Variants in PML observed in about 807,000 individuals in gnomAD.
The protein encoded by PML is PML nuclear body scaffold, also known as protein PML.
PML carries 28 observed loss-of-function variants against 65.2 expected under a neutral mutation model. That is an observed-to-expected ratio of 0.43 (90% CI 0.32 to 0.59). PML has a LOEUF of 0.59. Ranked by LOEUF, PML falls within the 20% of genes least tolerant of loss-of-function variation. The pLI, the probability that PML is intolerant of heterozygous loss-of-function variation, is 0.08. For missense variants in PML, 1,021 were observed against 1,203.4 expected, an observed-to-expected ratio of 0.85 and a Z score of 2.24; for synonymous variants, 500 against 508.8, an observed-to-expected ratio of 0.98 and a Z score of 0.23.
intron 7 of PML, chr15:74,041,558 A>G (rs972760321): frequency 6.6e-6 from 1 of 152,282 alleles, no homozygotes; most frequent in Non-Finnish European, 1.5e-5. Context: ...AGCCAGCTCT[A>G]GATGGATTCA....
At chr15:74,002,841 A>AAT (rs1000983699) in intron 2 of PML, among the ~76,000 whole-genome samples, 1 of 152,078 alleles carries the variant, frequency 6.6e-6, no homozygotes, top group Non-Finnish European at 1.5e-5. Context: ...AAACATATAT[A>AAT]TAGGCCAGAT....
intron 2 of PML, among the ~76,000 whole-genome samples, chr15:74,020,154 C>A (rs1464948428): frequency 6.6e-6 from 1 of 152,116 alleles, no homozygotes; most frequent in Non-Finnish European, 1.5e-5. Flanking sequence ...TCTAATTAAA[C>A]GTAGCATTGA....
chr15:74,043,254 A>G lies in PML; in HGVS notation c.1861+115A>G. On this transcript the variant is annotated intron_variant, in intron 8 of 8. Coordinates refer to ENST00000268058, the MANE Select transcript of PML (RefSeq NM_033238.3). The surrounding 1 kb of genome is among the most constrained non-coding windows in gnomAD (Gnocchi z 4.3). ...GGAGAGCTCTGAGCTCTGGCCAACAACTGCAGCCAGGCTGGGCAGAGCACT... is the reference window on the plus strand; with the variant it reads ...GGAGAGCTCTGAGCTCTGGCCAACAGCTGCAGCCAGGCTGGGCAGAGCACT... The G allele has an allele frequency of 6.3e-7, 1 of 1,596,472 alleles. No individual in the cohort carries two copies. The highest frequency in any genetic ancestry group is 8.5e-7 in the Non-Finnish European group (1 of 1,171,954).
At chr15:74,006,862 G>A (rs2070085230) in intron 2 of PML, among the ~76,000 whole-genome samples, 1 of 152,150 alleles carries the variant, frequency 6.6e-6, no homozygotes, top group Admixed American at 6.6e-5. Context: ...GGAAGCAAGA[G>A]AAGGAGATGC....
At chr15:74,024,500 A>G (rs1423731856) in intron 3 of PML, among the ~76,000 whole-genome samples, 2 of 152,228 alleles carry the variant, frequency 1.3e-5, no homozygotes, top group Non-Finnish European at 2.9e-5. Flanking sequence ...AAGGAAGATC[A>G]TGGAGCTCTC....
rs1428932788 is a variant in PML at position 74,047,592 on chromosome 15, T to C, written c.*2584T>C. 1 of 214,052 alleles carries C rather than the reference T, an allele frequency of 4.7e-6. No homozygotes were observed. The highest frequency in any genetic ancestry group is 5.9e-5 in the Admixed American group (1 of 17,066). The allele number at this position is 214,052 out of a possible 1,614,324, so 13.3% of individuals were successfully genotyped here. A position where few individuals can be genotyped will look rare whatever the true frequency, so the allele number is the denominator to read the frequency against. ...ATCCTCACTTAGTAGTCTGTGGCCC[T>C]CTTTGGCACATTAACCTCCCTCCTT... On this transcript the variant is annotated 3_prime_UTR_variant, in exon 9 of 9. Coordinates refer to ENST00000268058, the MANE Select transcript of PML (RefSeq NM_033238.3).
Position 73,998,481 on chromosome 15 carries a change from G to A in PML, c.602+5G>A, listed in dbSNP as rs566690133. ...CCGCACCCCTACGCTGACCAGGTGA[G>A]TAGGCCGGCACAGGGTGGGGTGGTG... is the stretch of plus-strand genomic sequence containing the variant. On this transcript the variant is annotated splice_donor_5th_base_variant and intron_variant, in intron 2 of 8. Coordinates refer to ENST00000268058, the MANE Select transcript of PML (RefSeq NM_033238.3). 1 of 1,612,308 alleles carries A rather than the reference G, an allele frequency of 6.2e-7. No homozygotes were observed. Among genetic ancestry groups the A allele is most frequent in the South Asian group, 1.1e-5 (1 of 91,046 alleles).
In PML at chr15:74,046,791, G is replaced by T; in HGVS notation, c.*1783G>T. ...TTGAAAGCCTGATGCTCCAATCACA[G>T]ACTCTGCTCAGCATCCCCAGAGGAA... On this transcript the variant is annotated 3_prime_UTR_variant, in exon 9 of 9. Transcript: ENST00000268058. 1 of 231,414 alleles carries T rather than the reference G, an allele frequency of 4.3e-6. No homozygotes were observed. The highest frequency in any genetic ancestry group is 8.6e-6 in the Non-Finnish European group (1 of 116,872). The allele number at this position is 231,414 out of a possible 1,614,324, so 14.3% of individuals were successfully genotyped here. A position where few individuals can be genotyped will look rare whatever the true frequency, so the allele number is the denominator to read the frequency against.
At chr15:74,031,495 C>T (rs948357642) in intron 4 of PML, among the ~76,000 whole-genome samples, 1 of 152,160 alleles carries the variant, frequency 6.6e-6, no homozygotes, top group Non-Finnish European at 1.5e-5. Context: ...ACATCTCAGT[C>T]CTCATTGCTT....
intron 2 of PML, among the ~76,000 whole-genome samples, chr15:74,020,841 A>T (rs1268617869): frequency 1.3e-5 from 2 of 152,074 alleles, no homozygotes; most frequent in Non-Finnish European, 2.9e-5. Context: ...ACATCACAAC[A>T]TTCCCACCTC....
chr15:73,995,334 G>A (rs1305720091), intron 1 of PML, among the ~76,000 whole-genome samples: 1 of 152,236 alleles, frequency 6.6e-6, no homozygotes, highest in East Asian at 1.9e-4. Flanking sequence ...TGGAGCCAGG[G>A]GCATGTCCCA....
intron 7 of PML, among the ~76,000 whole-genome samples, chr15:74,038,292 T>TG (rs1178759008): frequency 6.6e-6 from 1 of 151,362 alleles, no homozygotes; most frequent in Non-Finnish European, 1.5e-5. Context: ...ATATTGGGGG[T>TG]GGGGCGGGGA....
At chr15:74,030,210 C>T (rs1567134012) in intron 4 of PML, among the ~76,000 whole-genome samples, 1 of 152,160 alleles carries the variant, frequency 6.6e-6, no homozygotes, top group Non-Finnish European at 1.5e-5. Context: ...AAGGTGTATC[C>T]CTGCCACTCA....
rs763286510 is a variant in PML, at chr15:74,035,458, TC to T, written c.1710+930del. 20 of 1,612,302 alleles carry T rather than the reference TC, an allele frequency of 1.2e-5. No individual in the cohort carries two copies. The African/African-American group carries it at 2.4e-4, about 19-fold the overall frequency. The stretch of plus-strand genomic sequence containing the variant: ...CTGTTGTACAGAGCACAGAGAGCCA[TC>T]CGCCTTCGCCATGCCCTCCGCTTGC... On this transcript the variant is annotated intron_variant, in intron 7 of 8. Transcript: ENST00000268058. This position sits in a 1 kb window ranked among gnomAD's most constrained non-coding sequence, Gnocchi z 4.1.
At position 74,035,266 on chromosome 15, in the gene PML, C is replaced by G. The variant is rs747953604; in HGVS notation, c.1710+736C>G. 1 of 1,613,282 alleles carries G rather than the reference C, an allele frequency of 6.2e-7. No homozygotes were observed. The highest frequency in any genetic ancestry group is 8.5e-7 in the Non-Finnish European group (1 of 1,179,766). Reference sequence around the variant, plus strand: ...CCAGCCCACTCCTCGCCAGTCCAGTCTCTGCTGAGAGCACAAGGAGCCTCC... The same window carrying G: ...CCAGCCCACTCCTCGCCAGTCCAGTGTCTGCTGAGAGCACAAGGAGCCTCC... On this transcript the variant is annotated intron_variant, in intron 7 of 8. Transcript: ENST00000268058. This position sits in a 1 kb window ranked among gnomAD's most constrained non-coding sequence, Gnocchi z 4.1.
chr15:74,033,534 C>A, intron 6 of PML, 120 bp downstream of exon 6: 1 of 1,046,980 alleles, frequency 9.6e-7, no homozygotes. Flanking sequence ...CTTATTCCCA[C>A]TGAATAAGAT....
At position 74,043,787 on chromosome 15, in the gene PML, G is replaced by A; in HGVS notation, c.1862-434G>A. 1 of 533,964 alleles carries A rather than the reference G, an allele frequency of 1.9e-6. No homozygotes were observed. The highest frequency in any genetic ancestry group is 3.7e-6 in the Non-Finnish European group (1 of 270,452). 33.1% of individuals were successfully genotyped at this position (533,964 alleles called of 1,614,324 possible). ...TGGGAGGCTCTTGGCCTTGCTCTGA[G>A]TGGAGTGCTTTCTATGTCCCAGGGC... On this transcript the variant is annotated intron_variant, in intron 8 of 8. Coordinates refer to ENST00000268058, the MANE Select transcript of PML (RefSeq NM_033238.3). This position sits in a 1 kb window ranked among gnomAD's most constrained non-coding sequence, Gnocchi z 4.3.
intron 7 of PML, among the ~76,000 whole-genome samples, chr15:74,040,869 T>A (rs988223561): frequency 2.6e-5 from 4 of 152,058 alleles, no homozygotes; most frequent in Non-Finnish European, 5.9e-5. Context: ...CTCGAGTAAG[T>A]TTAGGACAAA....
intron 1 of PML, among the ~76,000 whole-genome samples, chr15:73,997,398 A>G (rs2069559736): frequency 6.6e-6 from 1 of 152,218 alleles, no homozygotes; most frequent in African/African-American, 2.4e-5. Context: ...AGGTCTATCT[A>G]TGTTGTAGCA....
Sources: gnomAD v4.1 joint callset for allele counts (sites outside exome capture counted in the v4.1 genomes callset) on GRCh38, gnomAD v4.1.1 for gene constraint, Gnocchi (gnomAD v3.1) non-coding constraint, MANE v1.5 for transcripts, NCBI Gene and HGNC (gene_info 2026-07-23, HGNC 2026-07-21) for gene names.